DHX9: variants seen among roughly 807,000 people sequenced by gnomAD.
The protein encoded by DHX9 is DExH-box helicase 9, also known as ATP-dependent RNA helicase A.
DHX9 carries 27 observed loss-of-function variants against 148.7 expected under a neutral mutation model. The observed-to-expected ratio is 0.18, with a 90% CI of 0.13 to 0.25. DHX9 has a LOEUF of 0.25. Ranked by LOEUF, DHX9 falls within the 10% of genes least tolerant of loss-of-function variation. DHX9 has a pLI of 1.00. For synonymous variants in DHX9, 529 were observed against 516.6 expected (o/e 1.02, Z -0.33); for missense variants, 796 against 1,559.6 (o/e 0.51, Z 8.25).
intron 8 of DHX9, 152 bp from the exon 9 acceptor site, chr1:182,858,399 G>T: frequency 2.0e-6 from 2 of 1,013,230 alleles, no homozygotes; most frequent in Admixed American, 2.5e-5. Context: ...TTCATAATAG[G>T]CAGTGAGTAA....
At chr1:182,840,668 C>T (rs977315331) in intron 1 of DHX9, among the ~76,000 whole-genome samples, 1 of 152,216 alleles carries the variant, frequency 6.6e-6, no homozygotes, top group Non-Finnish European at 1.5e-5. Context: ...GTTTCCCCTT[C>T]TCTAAAGGGA....
chr1:182,858,336 T>C (rs1468276953), intron 8 of DHX9, 96 bp downstream of exon 8: 6 of 1,420,128 alleles, frequency 4.2e-6, no homozygotes, highest in Non-Finnish European at 5.8e-6. Flanking sequence ...TTAAGAATCT[T>C]ACCTCAGGAA....
Position 182,872,459 on chromosome 1 carries a change from C to T in DHX9, c.1680C>T (p.Ile560=). 6.2e-7 allele frequency: 1 copy of T among 1,613,978 alleles called. No homozygotes were observed. The highest frequency in any genetic ancestry group is 8.5e-7 in the Non-Finnish European group (1 of 1,179,952). The part of the protein sequence containing the change: ...MFCEYFFNCP[I]IEVYGRTYPV... ...GTGAATATTTCTTCAATTGCCCCAT[C>T]ATTGAAGTTTATGGGAGGACTTACC... Residue 560 remains isoleucine, a synonymous_variant, in exon 15 of 28, where the codon ATC becomes ATT. Coordinates refer to ENST00000367549, the MANE Select transcript of DHX9 (RefSeq NM_001357.5).
intron 21 of DHX9, 47 bp downstream of exon 21, chr1:182,879,457 T>A (rs775413875): frequency 1.5e-6 from 2 of 1,366,128 alleles, no homozygotes; most frequent in African/African-American, 1.4e-5. Context: ...AATCATACCA[T>A]CTGTCTTGTT....
chr1:182,883,164 T>C lies in DHX9; in HGVS notation c.2940T>C (p.Thr980=), dbSNP rs2102621379. The change falls in exon 25 of 28, where the codon ACT becomes ACC. Residue 980 remains threonine, a synonymous_variant. Coordinates refer to ENST00000367549, the MANE Select transcript of DHX9 (RefSeq NM_001357.5). ...ATTGTTTGTTGACACAAGTGTTTAC[T>C]AACACTGGACCAGATAATAATTTGG... ...PEDCLLTQVF[T]NTGPDNNLDV... is the part of the protein sequence containing the mutation. 6.2e-7 allele frequency: 1 copy of C among 1,613,642 alleles called. No homozygotes were observed. The highest frequency in any genetic ancestry group is 8.5e-7 in the Non-Finnish European group (1 of 1,179,520).
chr1:182,881,138 G>A, intron 22 of DHX9, 126 bp from the exon 23 acceptor site: 1 of 983,850 alleles, frequency 1.0e-6, no homozygotes, highest in Non-Finnish European at 1.5e-6. Flanking sequence ...TGTTAAGCCA[G>A]TTTCATTGCA....
chr1:182,880,637 TA>T, intron 22 of DHX9, 29 bp downstream of exon 22: 1 of 1,405,120 alleles, frequency 7.1e-7, no homozygotes, highest in Non-Finnish European at 1.0e-6. Context: ...TTCTCTTCGT[TA>T]AGTGGCAGAA....
intron 22 of DHX9, 75 bp from the exon 23 acceptor site, chr1:182,881,189 G>A: frequency 2.0e-6 from 3 of 1,474,818 alleles, no homozygotes; most frequent in South Asian, 1.3e-5. Context: ...GCAACCCACA[G>A]TCGACAGTCC....
At position 182,852,343 on chromosome 1, in the gene DHX9, A is replaced by G; in HGVS notation, c.363A>G (p.Ala121=). The change falls in exon 4 of 28, where the codon GCA becomes GCG. Residue 121 remains alanine (A), a splice_region_variant and synonymous_variant. Coordinates refer to ENST00000367549, the MANE Select transcript of DHX9 (RefSeq NM_001357.5). The part of the protein sequence containing the change: ...GPLPPHLALK[A]ENNSEVGASG... ...TTCCTCCACATCTGGCTCTCAAAGC[A>G]GGTAAGGGACTTGAATCCATGCACG... 1 of 1,603,472 alleles carries G rather than the reference A, an allele frequency of 6.2e-7. No homozygotes were observed. Among genetic ancestry groups the G allele is most frequent in the Non-Finnish European group, 8.5e-7 (1 of 1,173,322 alleles).
rs114777574 is a variant in DHX9, at chr1:182,840,646, T to C, written c.-23+1190T>C. On this transcript the variant is annotated intron_variant, in intron 1 of 27. Transcript: ENST00000367549. Reference sequence around the variant, plus strand: ...AGCTCTGTCTTCCTGAAGCAAGATATTCTTTGTCTCAGTTTCCCCTTCTCT... The same window carrying C: ...AGCTCTGTCTTCCTGAAGCAAGATACTCTTTGTCTCAGTTTCCCCTTCTCT... 1.2e-3 allele frequency among the ~76,000 whole-genome samples: 187 copies of C among 152,344 alleles called. 1 individual carries two copies. The highest frequency in any genetic ancestry group is 3.5e-3 in the African/African-American group (146 of 41,582).
chr1:182,847,873 A>G (rs1445004144), intron 3 of DHX9, among the ~76,000 whole-genome samples: 2 of 151,652 alleles, frequency 1.3e-5, no homozygotes, highest in African/African-American at 4.9e-5. Flanking sequence ...GTGTGTTTGT[A>G]TTTTTTCCCC....
intron 3 of DHX9, among the ~76,000 whole-genome samples, chr1:182,846,733 G>T (rs1345654261): frequency 6.6e-6 from 1 of 152,108 alleles, no homozygotes; most frequent in Non-Finnish European, 1.5e-5. Context: ...GTTCTAACTT[G>T]TTCAAGGTTT....
intron 16 of DHX9, 38 bp from the exon 17 acceptor site, chr1:182,876,012 T>G: frequency 1.3e-6 from 2 of 1,554,464 alleles, no homozygotes; most frequent in Non-Finnish European, 1.8e-6. Context: ...CATGAGTAAC[T>G]GAGACAATCC....
chr1:182,865,364 C>T (rs1293049267), intron 12 of DHX9, among the ~76,000 whole-genome samples: 4 of 152,076 alleles, frequency 2.6e-5, no homozygotes, highest in East Asian at 3.8e-4. Flanking sequence ...GATGAAAGTG[C>T]GTGTATATAT....
At chr1:182,880,699 C>CAA (rs146667415) in intron 22 of DHX9, 91 bp downstream of exon 22, 5 of 675,058 alleles carry the variant, frequency 7.4e-6, no homozygotes, top group East Asian at 3.1e-5. Flanking sequence ...CTCAGATAGA[C>CAA]AAAAAAAAAA....
At chr1:182,850,842 C>G (rs886946881) in intron 3 of DHX9, among the ~76,000 whole-genome samples, 1 of 152,190 alleles carries the variant, frequency 6.6e-6, no homozygotes, top group Non-Finnish European at 1.5e-5. Flanking sequence ...TTTCAATACT[C>G]TTATACCTCA....
At chr1:182,845,571 G>A (rs879943915) in intron 3 of DHX9, among the ~76,000 whole-genome samples, 2 of 152,140 alleles carry the variant, frequency 1.3e-5, no homozygotes, top group Non-Finnish European at 2.9e-5. Flanking sequence ...GTCACTAGCA[G>A]GGTATCCTCC....
At chr1:182,846,231 G>A in intron 3 of DHX9, among the ~76,000 whole-genome samples, 1 of 151,042 alleles carries the variant, frequency 6.6e-6, no homozygotes, top group East Asian at 1.9e-4. Flanking sequence ...TTGAAGACCA[G>A]ATGTACTTTT....
At chr1:182,862,589 G>C (rs189153476) in intron 12 of DHX9, among the ~76,000 whole-genome samples, 2 of 152,328 alleles carry the variant, frequency 1.3e-5, no homozygotes, top group East Asian at 3.9e-4. Context: ...TTAGAAGATA[G>C]AGATAGTGGA....
Sources: gnomAD v4.1 joint callset for allele counts (sites outside exome capture counted in the v4.1 genomes callset) on GRCh38, gnomAD v4.1.1 for gene constraint, MANE v1.5 for transcripts, NCBI Gene and HGNC (gene_info 2026-07-23, HGNC 2026-07-21) for gene names.